Variants in EXOC6B observed in about 807,000 individuals in gnomAD.
EXOC6B encodes SEC15 homolog B.
Under a neutral mutation model 113.5 loss-of-function variants are expected in EXOC6B, and 54 were observed. The ratio of observed to expected loss-of-function variants is 0.48; its 90% CI spans 0.38 to 0.60. The LOEUF (loss-of-function observed/expected upper bound fraction) is 0.60. Ranked by LOEUF, EXOC6B falls within the 20% of genes least tolerant of loss-of-function variation. The pLI, the probability that EXOC6B is intolerant of heterozygous loss-of-function variation, is 0.00. For missense variants in EXOC6B, 797 were observed against 977.5 expected (o/e 0.82, Z 2.46); for synonymous variants, 357 against 339.0 (o/e 1.05, Z -0.58).
intron 18 of EXOC6B, among the ~76,000 whole-genome samples, chr2:72,444,406 TC>T (rs1205970461): frequency 1.3e-5 from 2 of 152,198 alleles, no homozygotes; most frequent in Non-Finnish European, 2.9e-5. Context: ...GATCTACCAT[TC>T]TGGGGTCTGG....
rs1677931358 is a variant in EXOC6B, at chr2:72,179,262, G to C, written c.*73C>G. 6.8e-7 allele frequency: 1 copy of C among 1,462,702 alleles called. No individual in the cohort carries two copies. The highest frequency in any genetic ancestry group is 2.7e-5 in the Admixed American group (1 of 37,570). 90.6% of individuals were successfully genotyped at this position (1,462,702 alleles called of 1,614,324 possible). A position where few individuals can be genotyped will look rare whatever the true frequency, so the allele number is the denominator to read the frequency against. ...TTTGAAGAAGAATGCACAAATGCAG[G>C]GTCAGCTGGGGCTGGACCCCAGACT... On this transcript the variant is annotated 3_prime_UTR_variant, in exon 22 of 22. Coordinates refer to ENST00000272427, the MANE Select transcript of EXOC6B (RefSeq NM_015189.3).
Position 72,488,812 on chromosome 2 carries a change from T to C in EXOC6B, c.1665+3506A>G, listed in dbSNP as rs116448183. 6.0e-3 allele frequency among the ~76,000 whole-genome samples: 916 copies of C among 152,296 alleles called. 4 individuals carry two copies. Among genetic ancestry groups the C allele is most frequent in the African/African-American group, 0.02 (835 of 41,562 alleles). ...ATCCTACAGTATATTCTCACTACCA[T>C]GGTCAATGTGATCCTCTCAAAATAT... On this transcript the variant is annotated intron_variant, in intron 16 of 21. Transcript: ENST00000272427.
chr2:72,709,298 G>A (rs71416762), intron 6 of EXOC6B, among the ~76,000 whole-genome samples: 7 of 152,256 alleles, frequency 4.6e-5, no homozygotes, highest in African/African-American at 1.7e-4. Flanking sequence ...ACATCTGCCA[G>A]AGGACAAGAC....
Position 72,179,079 on chromosome 2 carries a change from C to T in EXOC6B, c.*256G>A. 2.5e-6 allele frequency: 1 copy of T among 404,988 alleles called. No individual in the cohort carries two copies. The highest frequency in any genetic ancestry group is 4.3e-6 in the Non-Finnish European group (1 of 230,488). 25.1% of individuals were successfully genotyped at this position (404,988 alleles called of 1,614,324 possible). On this transcript the variant is annotated 3_prime_UTR_variant, in exon 22 of 22. Coordinates refer to ENST00000272427, the MANE Select transcript of EXOC6B (RefSeq NM_015189.3). ...TTCATCACTGTGGAATTGATGATAC[C>T]ACCATCTCTAAGATAACACAGATAG...
At chr2:72,584,012 C>T (rs1244828265) in intron 6 of EXOC6B, among the ~76,000 whole-genome samples, 3 of 152,038 alleles carry the variant, frequency 2.0e-5, no homozygotes, top group Non-Finnish European at 2.9e-5. Flanking sequence ...ATGAACCATC[C>T]GCACCCGGCC....
intron 13 of EXOC6B, 79 bp downstream of exon 13, chr2:72,498,374 GA>G: frequency 2.1e-6 from 2 of 936,270 alleles, no homozygotes; most frequent in African/African-American, 1.7e-5. Context: ...TATAACATCT[GA>G]AAACCTTTGC....
intron 20 of EXOC6B, among the ~76,000 whole-genome samples, chr2:72,208,272 G>T (rs567408001): frequency 6.6e-6 from 1 of 151,546 alleles, no homozygotes; most frequent in African/African-American, 2.4e-5. Flanking sequence ...AGTGTCTGTT[G>T]TTCCCATCTT....
chr2:72,468,927 T>G (rs1368460843), intron 17 of EXOC6B, among the ~76,000 whole-genome samples: 1 of 152,164 alleles, frequency 6.6e-6, no homozygotes, highest in Non-Finnish European at 1.5e-5. Context: ...TTGCTAAAAG[T>G]CTTTTTCATT....
intron 20 of EXOC6B, among the ~76,000 whole-genome samples, chr2:72,331,737 G>T (rs940641099): frequency 6.6e-6 from 1 of 152,038 alleles, no homozygotes; most frequent in Admixed American, 6.6e-5. Flanking sequence ...GACAAATGAG[G>T]TTTAACTTAT....
In EXOC6B at chr2:72,540,956, T is replaced by A. The variant is rs373410967; in HGVS notation, c.915+18497A>T. On this transcript the variant is annotated intron_variant, in intron 8 of 21. Transcript: ENST00000272427. ...CCTTGGCTTCTTTTAATCTGAAAAATTCCTCAGCTTTTCTTTATCTTTTGT... is the reference window on the plus strand; with the variant it reads ...CCTTGGCTTCTTTTAATCTGAAAAAATCCTCAGCTTTTCTTTATCTTTTGT... 3.1e-4 allele frequency among the ~76,000 whole-genome samples: 47 copies of A among 152,272 alleles called. No individual in the cohort carries two copies. The East Asian group carries it at 7.1e-3, about 23-fold the overall frequency.
In EXOC6B at chr2:72,773,120, C is replaced by CTTTTTTTTTTTTTTTTTTTTTTTTT. The variant is rs1254377634; in HGVS notation, c.114-31652_114-31651insAAAAAAAAAAAAAAAAAAAAAAAAA. On this transcript the variant is annotated intron_variant, in intron 1 of 21. Transcript: ENST00000272427. ...GCTAAGACAGTAGACCTTAGATTTT[C>CTTTTTTTTTTTTTTTTTTTTTTTTT]TTTTTTTTTTTTTTTTTTTTTTGTG... is the stretch of plus-strand genomic sequence containing the variant. Among the ~76,000 whole-genome samples, 4 of 94,892 alleles carry CTTTTTTTTTTTTTTTTTTTTTTTTT rather than the reference C, an allele frequency of 4.2e-5. 1 individual carries two copies. The highest frequency in any genetic ancestry group is 1.9e-4 in the African/African-American group (4 of 21,324). The allele number at this position is 94,892 out of a possible 152,430, so 62.3% of individuals were successfully genotyped here. A position where few individuals can be genotyped will look rare whatever the true frequency, so the allele number is the denominator to read the frequency against.
chr2:72,701,086 G>A (rs1490560132), intron 6 of EXOC6B, among the ~76,000 whole-genome samples: 2 of 152,162 alleles, frequency 1.3e-5, no homozygotes, highest in Admixed American at 6.5e-5. Flanking sequence ...GCTCACGCCT[G>A]TAATCCCAAC....
At chr2:72,266,598 T>C (rs1230301194) in intron 20 of EXOC6B, among the ~76,000 whole-genome samples, 1 of 152,144 alleles carries the variant, frequency 6.6e-6, no homozygotes, top group Non-Finnish European at 1.5e-5. Context: ...GGCTCTGTTC[T>C]GTTCCATTGA....
intron 1 of EXOC6B, chr2:72,760,551 A>G: frequency 6.1e-6 from 1 of 163,542 alleles, no homozygotes; most frequent in Non-Finnish European, 1.3e-5. Flanking sequence ...AATGTTCATC[A>G]AATGTCTGAC....
At chr2:72,213,465 G>T (rs1680323111) in intron 20 of EXOC6B, among the ~76,000 whole-genome samples, 1 of 145,850 alleles carries the variant, frequency 6.9e-6, no homozygotes, top group Non-Finnish European at 1.5e-5. Flanking sequence ...GTAAACTTAG[G>T]CAGAGGCAAT....
intron 16 of EXOC6B, among the ~76,000 whole-genome samples, chr2:72,483,098 T>C (rs1359974324): frequency 6.6e-6 from 1 of 152,228 alleles, no homozygotes; most frequent in East Asian, 1.9e-4. Flanking sequence ...CTTTTAACTT[T>C]GGAGTGCTCT....
intron 6 of EXOC6B, among the ~76,000 whole-genome samples, chr2:72,697,155 G>GATATAGATATAGATATA (rs1553468460): frequency 6.6e-6 from 1 of 150,918 alleles, no homozygotes; most frequent in African/African-American, 2.5e-5. Flanking sequence ...TATAGATATG[G>GATATAGATATAGATATA]GGTATACACA....
At chr2:72,192,191 T>C (rs866080262) in intron 20 of EXOC6B, among the ~76,000 whole-genome samples, 4 of 152,144 alleles carry the variant, frequency 2.6e-5, no homozygotes, top group African/African-American at 7.2e-5. Context: ...TTCTGACTCC[T>C]CAACAGCATA....
chr2:72,231,985 A>AT (rs1042204073), intron 20 of EXOC6B, among the ~76,000 whole-genome samples: 3 of 150,888 alleles, frequency 2.0e-5, no homozygotes, highest in African/African-American at 4.9e-5. Flanking sequence ...ATTATATATA[A>AT]TTTTTTTTTG....
Sources: gnomAD v4.1 joint callset for allele counts (sites outside exome capture counted in the v4.1 genomes callset) on GRCh38, gnomAD v4.1.1 for gene constraint, MANE v1.5 for transcripts, NCBI Gene and HGNC (gene_info 2026-07-23, HGNC 2026-07-21) for gene names.